Variants in NALF1 observed in about 807,000 individuals in gnomAD.
NALF1 encodes the protein family with sequence similarity 155 member A.
Under a neutral mutation model 48.4 loss-of-function variants are expected in NALF1, and 3 were observed. The observed-to-expected ratio is 0.06, with a 90% confidence interval of 0.03 to 0.16. The LOEUF is 0.16. Among genes scored for constraint, NALF1 ranks in the 10% least tolerant of loss-of-function variants. The pLI is 1.00. For missense variants in NALF1, 526 were observed against 571.5 expected, an observed-to-expected ratio of 0.92 and a Z score of 0.81; for synonymous variants, 262 against 245.7, an observed-to-expected ratio of 1.07 and a Z score of -0.62.
chr13:107,708,390 G>A (rs551907948), intron 1 of NALF1, among the ~76,000 whole-genome samples: 1 of 152,056 alleles, frequency 6.6e-6, no homozygotes, highest in Non-Finnish European at 1.5e-5. Context: ...AGTCACAAAC[G>A]TTAGGTATAG....
chr13:107,201,982 A>G (rs544826576), intron 2 of NALF1, among the ~76,000 whole-genome samples: 1 of 152,354 alleles, frequency 6.6e-6, no homozygotes, highest in Non-Finnish European at 1.5e-5. Context: ...AAATTGGTTA[A>G]TAAAGGTACA....
intron 1 of NALF1, among the ~76,000 whole-genome samples, chr13:107,335,050 TCTC>T (rs1882531329): frequency 6.6e-6 from 1 of 152,262 alleles, no homozygotes; most frequent in South Asian, 2.1e-4. Context: ...GTCTTCGTGA[TCTC>T]CTCAATACCA....
chr13:107,611,978 AAGAGAAGAGG>A (rs962974958), intron 1 of NALF1, among the ~76,000 whole-genome samples: 2 of 139,160 alleles, frequency 1.4e-5, no homozygotes, highest in Admixed American at 7.5e-5. Flanking sequence ...GAAAGAAGAG[AAGAGAAGAGG>A]AGAGGAGAGG....
Position 107,619,576 on chromosome 13 carries a change from T to C in NALF1, c.915+246106A>G, listed in dbSNP as rs543896345. 7.9e-5 allele frequency among the ~76,000 whole-genome samples: 12 copies of C among 152,312 alleles called. No individual in the cohort carries two copies. In the East Asian group the frequency reaches 1.5e-3, roughly 20 times the overall value. On this transcript the variant is annotated intron_variant, in intron 1 of 2. Coordinates refer to ENST00000375915, the MANE Select transcript of NALF1 (RefSeq NM_001080396.3). ...CGTTGCATTTTTCTTTATTAGATTA[T>C]GGTAAAATGTGCAATCTGTTGCAAA...
chr13:107,226,047 C>G (rs1336490552), intron 1 of NALF1, among the ~76,000 whole-genome samples: 2 of 152,032 alleles, frequency 1.3e-5, no homozygotes, highest in African/African-American at 4.8e-5. Flanking sequence ...ATAGTCTTTA[C>G]AGAATTTAGT....
chr13:107,463,860 G>A (rs1594076247), intron 1 of NALF1, among the ~76,000 whole-genome samples: 1 of 152,170 alleles, frequency 6.6e-6, no homozygotes, highest in African/African-American at 2.4e-5. Flanking sequence ...TGTGCTTGTT[G>A]CTTGATATAA....
rs192901105 is a variant in NALF1, at chr13:107,166,550, G to T, written c.*3947C>A. 2.2e-4 allele frequency: 33 copies of T among 152,322 alleles called. No individual in the cohort carries two copies. The highest frequency in any genetic ancestry group is 7.9e-4 in the African/African-American group (33 of 41,580). 9.4% of individuals were successfully genotyped at this position (152,322 alleles called of 1,614,324 possible). A position where few individuals can be genotyped will look rare whatever the true frequency, so the allele number is the denominator to read the frequency against. On this transcript the variant is annotated 3_prime_UTR_variant, in exon 3 of 3. Coordinates refer to ENST00000375915, the MANE Select transcript of NALF1 (RefSeq NM_001080396.3). ...TAGCAGGAAAATTGTAAATGTCTTTGTTACTGAGAAAGAATGTAAATCATG... is the reference window on the plus strand; with the variant it reads ...TAGCAGGAAAATTGTAAATGTCTTTTTTACTGAGAAAGAATGTAAATCATG...
At chr13:107,612,067 GGA>G (rs1272641029) in intron 1 of NALF1, among the ~76,000 whole-genome samples, 2 of 93,046 alleles carry the variant, frequency 2.1e-5, no homozygotes, top group Non-Finnish European at 4.4e-5. Context: ...GGAGTGGGGG[GGA>G]GAGAGGGGAG....
intron 1 of NALF1, among the ~76,000 whole-genome samples, chr13:107,396,791 T>G (rs998048530): frequency 9.2e-5 from 14 of 151,954 alleles, no homozygotes; most frequent in Non-Finnish European, 1.2e-4. Context: ...CAGCAGTCTA[T>G]ACTGCTCAAC....
intron 1 of NALF1, among the ~76,000 whole-genome samples, chr13:107,633,735 A>G (rs1594173321): frequency 7.8e-6 from 1 of 127,948 alleles, no homozygotes; most frequent in Non-Finnish European, 1.7e-5. Context: ...ATATATATAT[A>G]TATATGAAAC....
chr13:107,493,729 A>G (rs944586557), intron 1 of NALF1, among the ~76,000 whole-genome samples: 4 of 152,168 alleles, frequency 2.6e-5, no homozygotes, highest in Non-Finnish European at 5.9e-5. Flanking sequence ...ATAAAAACAA[A>G]CAAACAAAAA....
At chr13:107,608,999 G>A (rs1594158100) in intron 1 of NALF1, among the ~76,000 whole-genome samples, 1 of 152,198 alleles carries the variant, frequency 6.6e-6, no homozygotes, top group African/African-American at 2.4e-5. Flanking sequence ...TGAACAAGAT[G>A]AGAAGGGCTG....
At chr13:107,574,658 T>C (rs765212233) in intron 1 of NALF1, among the ~76,000 whole-genome samples, 8 of 152,218 alleles carry the variant, frequency 5.3e-5, no homozygotes, top group Non-Finnish European at 1.0e-4. Flanking sequence ...TTGAGTGACC[T>C]GTTGGTAGCA....
intron 1 of NALF1, among the ~76,000 whole-genome samples, chr13:107,399,982 A>T (rs1275645318): frequency 6.6e-6 from 1 of 152,228 alleles, no homozygotes; most frequent in Non-Finnish European, 1.5e-5. Flanking sequence ...CATTACAAAC[A>T]ATCAGACAAG....
At chr13:107,736,878 G>A (rs1321338871) in intron 1 of NALF1, among the ~76,000 whole-genome samples, 1 of 152,210 alleles carries the variant, frequency 6.6e-6, no homozygotes, top group Non-Finnish European at 1.5e-5. Context: ...CAAAATGAAT[G>A]CAGCTCCACC....
intron 1 of NALF1, among the ~76,000 whole-genome samples, chr13:107,322,736 T>C (rs921671392): frequency 5.3e-5 from 8 of 152,268 alleles, no homozygotes; most frequent in Admixed American, 2.6e-4. Flanking sequence ...AACCATCCTT[T>C]GTCCACTCTT....
chr13:107,262,796 C>CTCTT (rs1880959409), intron 1 of NALF1, among the ~76,000 whole-genome samples: 1 of 152,024 alleles, frequency 6.6e-6, no homozygotes, highest in East Asian at 1.9e-4. Flanking sequence ...CTCTCTCTCT[C>CTCTT]TCATTCTTAA....
At chr13:107,799,424 A>T (rs1878533431) in intron 1 of NALF1, among the ~76,000 whole-genome samples, 1 of 152,158 alleles carries the variant, frequency 6.6e-6, no homozygotes. Context: ...CGTACATGAT[A>T]TACACTCAGT....
chr13:107,236,732 T>C (rs557771192), intron 1 of NALF1, among the ~76,000 whole-genome samples: 38 of 138,606 alleles, frequency 2.7e-4, no homozygotes, highest in Middle Eastern at 7.5e-3. Flanking sequence ...TATCTATCTA[T>C]CTATCATCTA....
Sources: gnomAD v4.1 joint callset for allele counts (sites outside exome capture counted in the v4.1 genomes callset) on GRCh38, gnomAD v4.1.1 for gene constraint, MANE v1.5 for transcripts, NCBI Gene and HGNC (gene_info 2026-07-23, HGNC 2026-07-21) for gene names.